Variants in NFIB observed in about 807,000 individuals in gnomAD.
NFIB encodes the protein nuclear factor 1 B-type.
In NFIB, 11 loss-of-function variants were observed where a neutral mutation model predicts 61.5. The ratio of observed to expected loss-of-function variants is 0.18; its 90% CI spans 0.11 to 0.30. The LOEUF is 0.30. Ranked by LOEUF, NFIB falls within the 10% of genes least tolerant of loss-of-function variation. NFIB has a pLI of 1.00. For missense variants in NFIB, 471 were observed against 608.9 expected (o/e 0.77, Z 2.38); for synonymous variants, 260 against 216.5 (o/e 1.20, Z -1.76).
Position 14,289,548 on chromosome 9 carries a change from TAG to T in NFIB, c.562+17439_562+17440del, listed in dbSNP as rs879516561. Reference sequence around the variant, plus strand: ...ATATATTTGGTATACCATATAGATATAGATAGATAGATATACACACACACACA... The same window carrying T: ...ATATATTTGGTATACCATATAGATATATAGATAGATATACACACACACACA... On this transcript the variant is annotated intron_variant, in intron 2 of 10. Coordinates refer to ENST00000380953, the MANE Select transcript of NFIB (RefSeq NM_001190737.2). Among the ~76,000 whole-genome samples the T allele has an allele frequency of 1.2e-3, 183 of 150,360 alleles. 2 individuals are homozygous for T. The highest frequency in any genetic ancestry group is 4.0e-3 in the African/African-American group (167 of 41,278).
intron 2 of NFIB, among the ~76,000 whole-genome samples, chr9:14,225,480 A>AAAAAAAAAAAAAAAC (rs60866926): frequency 1.6e-5 from 1 of 62,400 alleles, no homozygotes; most frequent in Non-Finnish European, 2.9e-5. Flanking sequence ...AAAAAAAAAA[A>AAAAAAAAAAAAAAAC]GAAGAAGAAG....
chr9:14,085,507 A>T lies in NFIB; in HGVS notation c.*2802T>A, dbSNP rs2032723577. The T allele has an allele frequency of 4.5e-6, 1 of 220,976 alleles. No individual in the cohort carries two copies. Among genetic ancestry groups the T allele is most frequent in the South Asian group, 1.8e-4 (1 of 5,428 alleles). 13.7% of individuals were successfully genotyped at this position (220,976 alleles called of 1,614,324 possible). A position where few individuals can be genotyped will look rare whatever the true frequency, so the allele number is the denominator to read the frequency against. On this transcript the variant is annotated 3_prime_UTR_variant, in exon 11 of 11. Coordinates refer to ENST00000380953, the MANE Select transcript of NFIB (RefSeq NM_001190737.2). Reference sequence around the variant, plus strand: ...AATCCCATCAGCATCTAATGGGTTTAATTCATCCACAGGAAGATTAATTGC... The same window carrying T: ...AATCCCATCAGCATCTAATGGGTTTTATTCATCCACAGGAAGATTAATTGC...
chr9:14,197,145 A>G (rs2048556751), intron 2 of NFIB, among the ~76,000 whole-genome samples: 1 of 152,176 alleles, frequency 6.6e-6, no homozygotes, highest in Admixed American at 6.5e-5. Context: ...CTTTATTCTG[A>G]CCCTTTACAA....
the NFIB span, among the ~76,000 whole-genome samples, chr9:14,457,876 T>C: frequency 1.0e-3 from 153 of 152,230 alleles, no homozygotes; most frequent in Middle Eastern, 3.4e-3. Flanking sequence ...CAATAATTAA[T>C]AGCTTACCAA....
At chr9:14,342,406 G>A (rs543555974) in intron 1 of NFIB, among the ~76,000 whole-genome samples, 1 of 152,030 alleles carries the variant, frequency 6.6e-6, no homozygotes, top group South Asian at 2.1e-4. Context: ...AAGATCAGGG[G>A]AAAAGCCAGT....
At chr9:14,254,140 A>C (rs1188345257) in intron 2 of NFIB, among the ~76,000 whole-genome samples, 1 of 152,040 alleles carries the variant, frequency 6.6e-6, no homozygotes, top group African/African-American at 2.4e-5. Flanking sequence ...CATTCTAGTA[A>C]AAGTACAAAA....
chr9:14,374,031 A>G (rs2061389195), intron 1 of NFIB, among the ~76,000 whole-genome samples: 1 of 152,156 alleles, frequency 6.6e-6, no homozygotes, highest in Non-Finnish European at 1.5e-5. Context: ...TTATTTCTCC[A>G]TGTCCTGGGG....
In NFIB at chr9:14,258,376, C is replaced by T. The variant is rs1399771880; in HGVS notation, c.562+48613G>A. 4.6e-5 allele frequency among the ~76,000 whole-genome samples: 7 copies of T among 152,192 alleles called. No individual in the cohort carries two copies. In the East Asian group the frequency reaches 1.4e-3, roughly 29 times the overall value. ...AGCATGTTGTCTAAGTATCTGAGAA[C>T]ATTTCTACACATCTGGAGTATGTGG... On this transcript the variant is annotated intron_variant, in intron 2 of 10. Transcript: ENST00000380953.
chr9:14,231,131 A>ATATATAT (rs1252546393), intron 2 of NFIB, among the ~76,000 whole-genome samples: 13 of 75,444 alleles, frequency 1.7e-4, no homozygotes, highest in African/African-American at 4.5e-4. Context: ...AAAAAAAAAA[A>ATATATAT]AAAAATATAT....
intron 2 of NFIB, among the ~76,000 whole-genome samples, chr9:14,220,842 TACACACACACACAC>T (rs138623129): frequency 2.8e-4 from 35 of 123,092 alleles, no homozygotes; most frequent in East Asian, 5.7e-4. Flanking sequence ...TCAATCTCCC[TACACACACACACAC>T]ACACACACAC....
intron 6 of NFIB, among the ~76,000 whole-genome samples, chr9:14,136,928 T>C (rs913891371): frequency 2.6e-5 from 4 of 152,182 alleles, no homozygotes; most frequent in African/African-American, 9.7e-5. Flanking sequence ...CCTAAATCTA[T>C]ATTTTTTTTC....
intron 6 of NFIB, among the ~76,000 whole-genome samples, chr9:14,142,774 A>C (rs1299934228): frequency 6.6e-6 from 1 of 152,182 alleles, no homozygotes; most frequent in African/African-American, 2.4e-5. Flanking sequence ...AAAATCTTAA[A>C]TGAAGAAAAG....
At chr9:14,476,244 T>C in the NFIB span, among the ~76,000 whole-genome samples, 3 of 151,882 alleles carry the variant, frequency 2.0e-5, no homozygotes, top group African/African-American at 4.8e-5. Context: ...TCTAAGCTTT[T>C]TGTTTTTTTT....
chr9:14,183,405 A>ATT (rs756285216), intron 2 of NFIB, among the ~76,000 whole-genome samples: 10 of 144,852 alleles, frequency 6.9e-5, no homozygotes, highest in Non-Finnish European at 9.2e-5. Context: ...GGGAAAAAAA[A>ATT]TTTTTTTTTT....
chr9:14,342,343 G>A (rs545366945), intron 1 of NFIB, among the ~76,000 whole-genome samples: 1 of 152,224 alleles, frequency 6.6e-6, no homozygotes, highest in South Asian at 2.1e-4. Flanking sequence ...GTTTCCCTTA[G>A]GAACTGAAAA....
the NFIB span, among the ~76,000 whole-genome samples, chr9:14,498,825 T>C: frequency 4.5e-4 from 36 of 80,680 alleles, 2 homozygotes; most frequent in African/African-American, 2.5e-3. Context: ...CTTCCTCCCT[T>C]CCTCCCTTCC....
chr9:14,182,000 C>A (rs2046832813), intron 2 of NFIB, among the ~76,000 whole-genome samples: 1 of 152,174 alleles, frequency 6.6e-6, no homozygotes, highest in Non-Finnish European at 1.5e-5. Flanking sequence ...AATTTGGGTC[C>A]AGCAGAGAAA....
intron 5 of NFIB, among the ~76,000 whole-genome samples, chr9:14,147,776 G>C (rs910280668): frequency 2.0e-5 from 3 of 150,558 alleles, no homozygotes; most frequent in African/African-American, 7.3e-5. Context: ...CAAGTAGCTT[G>C]AACTATAGGT....
At chr9:14,140,770 C>T (rs2041604022) in intron 6 of NFIB, among the ~76,000 whole-genome samples, 1 of 152,182 alleles carries the variant, frequency 6.6e-6, no homozygotes, top group East Asian at 1.9e-4. Flanking sequence ...CCCAGCTCTA[C>T]ACAAAATTTA....
Sources: gnomAD v4.1 joint callset for allele counts (sites outside exome capture counted in the v4.1 genomes callset) on GRCh38, gnomAD v4.1.1 for gene constraint, MANE v1.5 for transcripts, NCBI Gene and HGNC (gene_info 2026-07-23, HGNC 2026-07-21) for gene names.